Variants in ECPAS observed in about 807,000 individuals in gnomAD.
ECPAS encodes proteasome adapter and scaffold protein ECM29.
In ECPAS, 70 loss-of-function variants were observed where a neutral mutation model predicts 255.1. The ratio of observed to expected loss-of-function variants is 0.27; its 90% confidence interval spans 0.23 to 0.33. The LOEUF (loss-of-function observed/expected upper bound fraction) is 0.33, where lower values mean the gene tolerates loss of function less well. ECPAS is among the 10% of genes least tolerant of loss of function. The pLI is 1.00. For synonymous variants in ECPAS, 784 were observed against 775.0 expected, an observed-to-expected ratio of 1.01 and a Z score of -0.19; for missense variants, 1,817 against 2,206.4, an observed-to-expected ratio of 0.82 and a Z score of 3.54.
At chr9:111,375,277 C>T (rs2098132102) in intron 37 of ECPAS, 75 bp from the exon 38 acceptor site, 2 of 1,059,878 alleles carry the variant, frequency 1.9e-6, no homozygotes, top group Non-Finnish European at 2.9e-6. Flanking sequence ...AAAAACTGCC[C>T]TTGTCAAACG....
rs1012944147 is a variant in ECPAS at position 111,376,516 on chromosome 9, C to A, written c.3980G>T (p.Ser1327Ile). ...EKAAMDSARL[S>I]AAKSSPMMET... ...CATCATTGGAGAAGATTTGGCAGCA[C>A]TAAGCCGAGCACTATCCATCGCAGC... The change falls in exon 37 of 50, where the codon AGT becomes ATT. Residue 1327 changes from serine (S) to isoleucine (I), a missense_variant. Transcript: ENST00000684092. 6.2e-7 allele frequency: 1 copy of A among 1,600,338 alleles called. No individual in the cohort carries two copies. The highest frequency in any genetic ancestry group is 8.5e-7 in the Non-Finnish European group (1 of 1,173,078).
In ECPAS at chr9:111,371,894, G is replaced by GAA. The variant is rs754371458; in HGVS notation, c.4529-67_4529-66dup. On this transcript the variant is annotated intron_variant, in intron 42 of 49. Coordinates refer to ENST00000684092, the MANE Select transcript of ECPAS (RefSeq NM_001364929.1). The stretch of plus-strand genomic sequence containing the variant: ...AAAATTAACTGATTTTTCTAAACCT[G>GAA]AAAAAAAGTCAGTGACCAACAGTCT... 175 of 1,366,144 alleles carry GAA rather than the reference G, an allele frequency of 1.3e-4. 1 individual carries two copies. The East Asian group carries it at 3.5e-3, about 27-fold the overall frequency. 84.6% of individuals were successfully genotyped at this position (1,366,144 alleles called of 1,614,324 possible). A position where few individuals can be genotyped will look rare whatever the true frequency, so the allele number is the denominator to read the frequency against.
Position 111,376,538 on chromosome 9 carries a change from C to T in ECPAS, c.3958G>A (p.Ala1320Thr). ...GCACTAAGCCGAGCACTATCCATCG[C>T]AGCCTAAAGAAGAGAAATTAAAGTC... ...SLRATEQEKA[A>T]MDSARLSAAK... Residue 1320 changes from alanine (A) to threonine (T), a missense_variant, in exon 37 of 50, where the codon GCG becomes ACG. Physicochemically the swap from Ala to Thr is moderately conservative, Grantham distance 58. This residue lies in a region of ECPAS where 960 missense variants were observed against 1,179.0 expected (regional missense o/e 0.81). Transcript: ENST00000684092. 1 of 1,594,860 alleles carries T rather than the reference C, an allele frequency of 6.3e-7. No individual in the cohort carries two copies. The highest frequency in any genetic ancestry group is 1.1e-5 in the South Asian group (1 of 87,336).
At chr9:111,402,446 C>G (rs1198877074) in intron 24 of ECPAS, among the ~76,000 whole-genome samples, 1 of 152,132 alleles carries the variant, frequency 6.6e-6, no homozygotes, top group African/African-American at 2.4e-5. Flanking sequence ...ATAGAGTATT[C>G]TAAAGATACT....
At chr9:111,417,746 C>CAA (rs397935038) in intron 17 of ECPAS, 137 bp downstream of exon 17, 6,771 of 736,244 alleles carry the variant, frequency 9.2e-3, no homozygotes, top group East Asian at 0.023. Flanking sequence ...AGCTCCATCT[C>CAA]AAAAAAAAAA....
chr9:111,393,583 G>T, intron 27 of ECPAS, 97 bp downstream of exon 27: 1 of 808,358 alleles, frequency 1.2e-6, no homozygotes, highest in Admixed American at 2.3e-5. Context: ...TAATCACACA[G>T]CTCAAGAAAG....
intron 1 of ECPAS, among the ~76,000 whole-genome samples, chr9:111,476,044 C>G (rs1376653868): frequency 6.6e-6 from 1 of 152,222 alleles, no homozygotes; most frequent in Non-Finnish European, 1.5e-5. Flanking sequence ...AGCAGAGGCT[C>G]TCTCAGAAGA....
At chr9:111,432,296 T>A (rs2098231168) in intron 8 of ECPAS, among the ~76,000 whole-genome samples, 1 of 152,204 alleles carries the variant, frequency 6.6e-6, no homozygotes, top group South Asian at 2.1e-4. Context: ...TTTCAATTTA[T>A]AATGCCAATC....
At chr9:111,407,432 A>AAAAAAAAAAAAAAAAAAAAAC (rs2098186587) in intron 24 of ECPAS, among the ~76,000 whole-genome samples, 1 of 142,760 alleles carries the variant, frequency 7.0e-6, no homozygotes, top group Non-Finnish European at 1.6e-5. Context: ...AAAAAAAAAA[A>AAAAAAAAAAAAAAAAAAAAAC]AAAAAACCTA....
At chr9:111,427,549 G>C (rs1238181220) in intron 10 of ECPAS, among the ~76,000 whole-genome samples, 2 of 152,198 alleles carry the variant, frequency 1.3e-5, no homozygotes, top group African/African-American at 4.8e-5. Flanking sequence ...GAAGTGTTTT[G>C]AGATTTCAGA....
At chr9:111,409,924 T>C in intron 23 of ECPAS, 117 bp downstream of exon 23, 1 of 772,300 alleles carries the variant, frequency 1.3e-6, no homozygotes, top group Non-Finnish European at 2.1e-6. Flanking sequence ...CACCCATTTT[T>C]ACATTAAATC....
intron 16 of ECPAS, 33 bp downstream of exon 16, chr9:111,419,984 C>A: frequency 6.8e-7 from 1 of 1,462,430 alleles, no homozygotes; most frequent in Non-Finnish European, 9.6e-7. Context: ...TCAAAATAAA[C>A]CAAAATTCAA....
At chr9:111,428,625 ATG>A in intron 9 of ECPAS, among the ~76,000 whole-genome samples, 1 of 152,250 alleles carries the variant, frequency 6.6e-6, no homozygotes, top group Admixed American at 6.5e-5. Context: ...TTGCACAGAT[ATG>A]TGTGGTTGGA....
rs2098244047 is a variant in ECPAS at position 111,440,306 on chromosome 9, A to T, written c.539+66T>A. Reference sequence around the variant, plus strand: ...TTACTAGTGAGAGTTTAATCATTTAAAATAGTACTTAACTCCCCGTAGTAA... The same window carrying T: ...TTACTAGTGAGAGTTTAATCATTTATAATAGTACTTAACTCCCCGTAGTAA... On this transcript the variant is annotated intron_variant, in intron 6 of 49. Coordinates refer to ENST00000684092, the MANE Select transcript of ECPAS (RefSeq NM_001364929.1). 2.1e-6 allele frequency: 3 copies of T among 1,403,584 alleles called. No homozygotes were observed. In the African/African-American group the frequency reaches 4.3e-5, roughly 20 times the overall value. The allele number at this position is 1,403,584 out of a possible 1,614,324, so 86.9% of individuals were successfully genotyped here.
At chr9:111,389,842 C>T in intron 30 of ECPAS, 119 bp from the exon 31 acceptor site, 1 of 1,216,646 alleles carries the variant, frequency 8.2e-7, no homozygotes, top group East Asian at 2.5e-5. Context: ...TCTTTCCAAT[C>T]AACAGCATTT....
At chr9:111,368,867 G>A (rs1164137824) in intron 46 of ECPAS, among the ~76,000 whole-genome samples, 168 bp downstream of exon 46, 3 of 152,358 alleles carry the variant, frequency 2.0e-5, no homozygotes, top group African/African-American at 4.8e-5. Context: ...ACAATGATCA[G>A]TGAGATCACA....
rs543534815 is a variant in ECPAS, at chr9:111,405,897, TAGTC to T, written c.2652+2670_2652+2673del. ...CAAGAAGACAGAAAACAACAGCTGA[TAGTC>T]AGAATGTGAAGAAAGGGGAACATTC... On this transcript the variant is annotated intron_variant, in intron 24 of 49. Transcript: ENST00000684092. Among the ~76,000 whole-genome samples the T allele has an allele frequency of 3.4e-3, 516 of 149,624 alleles. 53 individuals carry two copies. Among genetic ancestry groups the T allele is most frequent in the African/African-American group, 0.013 (501 of 39,432 alleles).
chr9:111,478,496 C>T lies in ECPAS; in HGVS notation c.-82-5496G>A, dbSNP rs141650744. 1.6e-4 allele frequency among the ~76,000 whole-genome samples: 25 copies of T among 152,172 alleles called. 1 individual carries two copies. In the East Asian group the frequency reaches 4.1e-3, roughly 25 times the overall value. On this transcript the variant is annotated intron_variant, in intron 1 of 49. Coordinates refer to ENST00000684092, the MANE Select transcript of ECPAS (RefSeq NM_001364929.1). ...GATCTGAGATTGCACCACGGCACTC[C>T]AGCCTGGACAACAGTGCGAGACTCC...
intron 2 of ECPAS, among the ~76,000 whole-genome samples, chr9:111,458,833 A>G (rs959418392): frequency 2.0e-5 from 3 of 152,202 alleles, no homozygotes; most frequent in Non-Finnish European, 4.4e-5. Flanking sequence ...CAAGCTTTGC[A>G]TCTGGAACCC....
Sources: allele counts gnomAD v4.1 joint callset (sites outside exome capture counted in the v4.1 genomes callset), GRCh38; gene constraint gnomAD v4.1.1; regional missense constraint gnomAD v4.1.1; transcripts MANE v1.5; gene names NCBI Gene and HGNC (gene_info 2026-07-23, HGNC 2026-07-21).